Variants in RPAP3 observed in about 807,000 individuals in gnomAD.
RPAP3 encodes RNA polymerase II associated protein 3.
A neutral mutation model predicts 88.8 loss-of-function variants in RPAP3; 58 were observed. The observed-to-expected ratio is 0.65, with a 90% CI of 0.53 to 0.81. RPAP3 has a LOEUF of 0.81. RPAP3 is among the 40% of genes least tolerant of loss of function. RPAP3 has a pLI of 0.00. For synonymous variants in RPAP3, 255 were observed against 259.9 expected, an observed-to-expected ratio of 0.98 and a Z score of 0.18; for missense variants, 751 against 764.3, an observed-to-expected ratio of 0.98 and a Z score of 0.20.
At chr12:47,702,361 CATG>C (rs1939670709) in intron 2 of RPAP3, among the ~76,000 whole-genome samples, 1 of 151,412 alleles carries the variant, frequency 6.6e-6, no homozygotes, top group Non-Finnish European at 1.5e-5. Context: ...TCCTGGCCAA[CATG>C]ATGAGACCCC....
chr12:47,694,647 AG>A (rs971567661), intron 5 of RPAP3, among the ~76,000 whole-genome samples: 1 of 152,078 alleles, frequency 6.6e-6, no homozygotes, highest in African/African-American at 2.4e-5. Flanking sequence ...ATAAATCAAT[AG>A]GAAAAGCCCT....
chr12:47,701,307 G>C (rs997470735), intron 3 of RPAP3, 157 bp downstream of exon 3: 5 of 466,448 alleles, frequency 1.1e-5, no homozygotes, highest in Non-Finnish European at 1.8e-5. Flanking sequence ...ATTAACTAAA[G>C]AGCTATGTCA....
At chr12:47,700,891 A>G (rs1939641778) in intron 3 of RPAP3, among the ~76,000 whole-genome samples, 1 of 152,224 alleles carries the variant, frequency 6.6e-6, no homozygotes, top group Admixed American at 6.5e-5. Flanking sequence ...ACATCTGCAC[A>G]GTCATTCTTT....
chr12:47,696,118 A>G, intron 5 of RPAP3, 158 bp downstream of exon 5: 1 of 559,104 alleles, frequency 1.8e-6, no homozygotes, highest in East Asian at 3.4e-5. Flanking sequence ...AAACAAAATA[A>G]TTCAATAAAA....
chr12:47,686,545 T>TACACATACAC lies in RPAP3; in HGVS notation c.992+234_992+235insGTGTATGTGT, dbSNP rs57271770. On this transcript the variant is annotated intron_variant, in intron 9 of 16. Coordinates refer to ENST00000005386, the MANE Select transcript of RPAP3 (RefSeq NM_024604.3). Reference sequence around the variant, plus strand: ...AGGTACATAAACACACACATACACATACACACACACACACACACACACACA... The same window carrying TACACATACAC: ...AGGTACATAAACACACACATACACATACACATACACACACACACACACACACACACACACA... 4.1e-3 allele frequency among the ~76,000 whole-genome samples: 598 copies of TACACATACAC among 145,446 alleles called. 3 individuals carry two copies. The highest frequency in any genetic ancestry group is 0.012 in the African/African-American group (479 of 39,914).
chr12:47,705,609 G>T (rs1209063831), intron 1 of RPAP3, among the ~76,000 whole-genome samples: 1 of 152,196 alleles, frequency 6.6e-6, no homozygotes. Context: ...CCGCTGTCCC[G>T]GCGAACACCG....
At chr12:47,670,426 G>T in intron 12 of RPAP3, 81 bp from the exon 13 acceptor site, 1 of 750,934 alleles carries the variant, frequency 1.3e-6, no homozygotes, top group Non-Finnish European at 2.2e-6. Context: ...AGGCTGCAAT[G>T]ATCTTACAGC....
intron 2 of RPAP3, among the ~76,000 whole-genome samples, chr12:47,701,887 C>T (rs1441851455): frequency 3.9e-5 from 6 of 152,118 alleles, no homozygotes; most frequent in Admixed American, 1.3e-4. Context: ...ACTTCAAAAA[C>T]GACCTATCTT....
intron 8 of RPAP3, 35 bp downstream of exon 8, chr12:47,687,841 C>T: frequency 6.2e-7 from 1 of 1,600,006 alleles, no homozygotes; most frequent in Non-Finnish European, 8.5e-7. Context: ...CTCAGCAAAA[C>T]ATATACATTG....
chr12:47,689,661 TC>T (rs77474314), intron 6 of RPAP3, among the ~76,000 whole-genome samples: 34,339 of 151,822 alleles, frequency 0.23, 4,364 homozygotes, highest in Admixed American at 0.38. Context: ...TTTCTTCTTC[TC>T]CCCCCAGGGC....
intron 12 of RPAP3, among the ~76,000 whole-genome samples, chr12:47,678,018 C>A (rs1939150629): frequency 6.6e-6 from 1 of 152,148 alleles, no homozygotes; most frequent in Admixed American, 6.5e-5. Context: ...ACTACAATAA[C>A]CGAAACAGCA....
intron 12 of RPAP3, 59 bp from the exon 13 acceptor site, chr12:47,670,404 T>C (rs567540204): frequency 2.0e-6 from 2 of 1,003,418 alleles, no homozygotes; most frequent in East Asian, 2.5e-5. Context: ...TATTTTAGGG[T>C]CACAAGTTAA....
intron 6 of RPAP3, among the ~76,000 whole-genome samples, chr12:47,689,521 TAG>T (rs1485362165): frequency 3.9e-5 from 6 of 152,122 alleles, no homozygotes; most frequent in Non-Finnish European, 7.4e-5. Flanking sequence ...GTATTTTTAG[TAG>T]AGACAGGTTT....
chr12:47,672,271 ACTACC>A (rs1424380562), intron 12 of RPAP3, among the ~76,000 whole-genome samples: 1 of 152,132 alleles, frequency 6.6e-6, no homozygotes, highest in African/African-American at 2.4e-5. Context: ...TCAAGCACAG[ACTACC>A]CTGCCCTAGC....
rs942600954 is a variant in RPAP3, at chr12:47,662,739, A to G, written c.*766T>C. 2.0e-5 allele frequency: 3 copies of G among 152,280 alleles called. No individual in the cohort carries two copies. The highest frequency in any genetic ancestry group is 2.9e-5 in the Non-Finnish European group (2 of 68,060). The allele number at this position is 152,280 out of a possible 1,614,324, so 9.4% of individuals were successfully genotyped here. ...CTGTGCTAGGTACTATGCAGAGTAC[A>G]GGGATGAGCAGAGTTCTAGCCCTAC... On this transcript the variant is annotated 3_prime_UTR_variant, in exon 17 of 17. Transcript: ENST00000005386.
Position 47,692,732 on chromosome 12 carries a change from T to C in RPAP3, c.546-2093A>G, listed in dbSNP as rs891441751. ...CCTTTGCATTCACATCTTGGCTAAC[T>C]GGCACAAGAGGCCTAGCTTTCAGTC... is the stretch of plus-strand genomic sequence containing the variant. On this transcript the variant is annotated intron_variant, in intron 5 of 16. Coordinates refer to ENST00000005386, the MANE Select transcript of RPAP3 (RefSeq NM_024604.3). Among the ~76,000 whole-genome samples the C allele has an allele frequency of 5.9e-5, 9 of 152,374 alleles. No homozygotes were observed. In the East Asian group the frequency reaches 1.7e-3, roughly 29 times the overall value.
intron 12 of RPAP3, among the ~76,000 whole-genome samples, chr12:47,673,625 A>G (rs1262312645): frequency 1.3e-5 from 2 of 152,032 alleles, no homozygotes; most frequent in African/African-American, 4.8e-5. Flanking sequence ...TGAAATTGTT[A>G]TTTCTAATGA....
intron 2 of RPAP3, among the ~76,000 whole-genome samples, 178 bp downstream of exon 2, chr12:47,702,510 C>T (rs777651342): frequency 1.3e-5 from 2 of 152,098 alleles, no homozygotes; most frequent in South Asian, 2.1e-4. Context: ...GCCGAGATCG[C>T]GCCACTGCAC....
At chr12:47,703,944 A>T (rs1232514037) in intron 1 of RPAP3, among the ~76,000 whole-genome samples, 2 of 152,234 alleles carry the variant, frequency 1.3e-5, no homozygotes, top group Admixed American at 1.3e-4. Context: ...TGAGTCAAGA[A>T]ATACAATGTT....
Sources: allele counts gnomAD v4.1 joint callset (sites outside exome capture counted in the v4.1 genomes callset), GRCh38; gene constraint gnomAD v4.1.1; transcripts MANE v1.5; gene names NCBI Gene and HGNC (gene_info 2026-07-23, HGNC 2026-07-21).